The following NR2F1-AS1 variants were observed in gnomAD, a reference collection of about 807,000 sequenced individuals.
NR2F1-AS1 encodes NR2F1 regulatory antisense RNA 1, also known as NR2F1 antisense RNA 1.
chr5:93,558,136 G>C (rs1752402971), intron 2 of NR2F1-AS1, among the ~76,000 whole-genome samples: 2 of 152,052 alleles, frequency 1.3e-5, no homozygotes, highest in Admixed American at 1.3e-4. Context: ...ATCCATGAGT[G>C]TTGGAATCAA....
At chr5:93,415,746 T>A (rs1303257232) in intron 4 of NR2F1-AS1, among the ~76,000 whole-genome samples, 2 of 152,328 alleles carry the variant, frequency 1.3e-5, no homozygotes, top group East Asian at 3.9e-4. Context: ...TGTTCATGCA[T>A]ACACTGCAGA....
Position 93,461,656 on chromosome 5 carries a change from G to A in NR2F1-AS1, n.639-66114C>T, listed in dbSNP as rs1750096898. Among the ~76,000 whole-genome samples the A allele has an allele frequency of 3.3e-5, 5 of 152,056 alleles. No individual in the cohort carries two copies. In the South Asian group the frequency reaches 1.0e-3, roughly 32 times the overall value. On this transcript the variant is annotated intron_variant and non_coding_transcript_variant, in intron 4 of 5. Transcript: ENST00000660523. ...TGCTGTATTACCTTCAAAGCAAAGA[G>A]GTTCTCAAAGGAACATGGAAGCATT...
rs148759020 is a variant in NR2F1-AS1 at position 93,436,137 on chromosome 5, C to G, written n.639-40595G>C. On this transcript the variant is annotated intron_variant and non_coding_transcript_variant, in intron 4 of 5. Coordinates refer to ENST00000660523, the Ensembl canonical transcript of NR2F1-AS1. ...TTTGTCTTTTCCTACAGAACATTCT[C>G]TAAAAGAAAATCTGTTTAAATTGTA... 2.6e-3 allele frequency among the ~76,000 whole-genome samples: 402 copies of G among 152,274 alleles called. 1 individual carries two copies. The highest frequency in any genetic ancestry group is 9.4e-3 in the African/African-American group (390 of 41,542).
intron 1 of NR2F1-AS1, among the ~76,000 whole-genome samples, chr5:93,572,083 G>T (rs1371284279): frequency 6.6e-6 from 1 of 152,218 alleles, no homozygotes. Flanking sequence ...CAGCTGCCGC[G>T]CAGGTAAATC....
At chr5:93,525,452 C>A (rs998163202) in intron 4 of NR2F1-AS1, among the ~76,000 whole-genome samples, 22 of 152,096 alleles carry the variant, frequency 1.4e-4, no homozygotes, top group Admixed American at 1.3e-3. Context: ...GACGGATCAA[C>A]AAGACAGAAA....
chr5:93,490,545 T>G (rs1750814655), intron 4 of NR2F1-AS1, among the ~76,000 whole-genome samples: 2 of 149,556 alleles, frequency 1.3e-5, no homozygotes, highest in South Asian at 4.3e-4. Context: ...GTGGCAGTGG[T>G]GGTGGTGGTC....
rs76393397 is a variant in NR2F1-AS1, at chr5:93,475,631, A to C, written n.638+78130T>G. ...TCGAATCTAGAGCTTAGCTTATTAA[A>C]TATTCCTGTCATTAATTTTTGTCAT... On this transcript the variant is annotated intron_variant and non_coding_transcript_variant, in intron 4 of 5. Transcript: ENST00000660523. Among the ~76,000 whole-genome samples, 214 of 152,336 alleles carry C rather than the reference A, an allele frequency of 1.4e-3. 3 individuals carry two copies. The East Asian group carries it at 0.04, about 28-fold the overall frequency.
intron 4 of NR2F1-AS1, among the ~76,000 whole-genome samples, chr5:93,544,549 T>C (rs1001671709): frequency 1.3e-5 from 2 of 152,190 alleles, no homozygotes; most frequent in Non-Finnish European, 2.9e-5. Flanking sequence ...TAATAAATTA[T>C]ATGAAATCCT....
At chr5:93,428,608 T>C (rs1334429701) in intron 4 of NR2F1-AS1, among the ~76,000 whole-genome samples, 2 of 152,156 alleles carry the variant, frequency 1.3e-5, no homozygotes, top group Non-Finnish European at 2.9e-5. Context: ...GTGTATTCCA[T>C]AGAGTTAAAT....
At chr5:93,443,814 C>A (rs1375415007) in intron 4 of NR2F1-AS1, among the ~76,000 whole-genome samples, 1 of 152,178 alleles carries the variant, frequency 6.6e-6, no homozygotes, top group East Asian at 1.9e-4. Context: ...GGTTGGGTTA[C>A]CCACAAAGGC....
intron 4 of NR2F1-AS1, among the ~76,000 whole-genome samples, chr5:93,537,384 C>T (rs1751861194): frequency 6.6e-6 from 1 of 151,974 alleles, no homozygotes; most frequent in South Asian, 2.1e-4. Flanking sequence ...TCCTATTCTC[C>T]TACAGAATAG....
At chr5:93,415,296 G>T (rs937562258) in intron 4 of NR2F1-AS1, among the ~76,000 whole-genome samples, 2 of 151,954 alleles carry the variant, frequency 1.3e-5, no homozygotes, top group African/African-American at 2.4e-5. Flanking sequence ...TGTCTTTTTT[G>T]GGGGAGGTAG....
At chr5:93,434,207 T>A (rs142084272) in intron 4 of NR2F1-AS1, among the ~76,000 whole-genome samples, 173 of 152,298 alleles carry the variant, frequency 1.1e-3, no homozygotes, top group East Asian at 9.5e-3. Flanking sequence ...AGTGCAGTGA[T>A]CTTCAAATTA....
At chr5:93,449,383 G>T (rs1196851516) in intron 4 of NR2F1-AS1, among the ~76,000 whole-genome samples, 1 of 151,864 alleles carries the variant, frequency 6.6e-6, no homozygotes, top group African/African-American at 2.4e-5. Context: ...AACAGTAAAG[G>T]CCTGGATACA....
At chr5:93,520,180 TA>T (rs1751474601) in intron 4 of NR2F1-AS1, among the ~76,000 whole-genome samples, 1 of 152,104 alleles carries the variant, frequency 6.6e-6, no homozygotes, top group South Asian at 2.1e-4. Context: ...TCCACATGCT[TA>T]AAACTAAAGT....
At chr5:93,429,194 CTTTTACTT>C (rs932776989) in intron 4 of NR2F1-AS1, among the ~76,000 whole-genome samples, 4 of 151,932 alleles carry the variant, frequency 2.6e-5, no homozygotes, top group African/African-American at 4.8e-5. Flanking sequence ...GTATGTGGTT[CTTTTACTT>C]TATTTTTTTT....
chr5:93,547,308 A>G (rs1049277547), intron 4 of NR2F1-AS1, among the ~76,000 whole-genome samples: 3 of 152,188 alleles, frequency 2.0e-5, no homozygotes, highest in Middle Eastern at 3.2e-3. Context: ...ATGCTATTAC[A>G]TGTCGCTGTA....
At chr5:93,536,713 T>C (rs545937804) in intron 4 of NR2F1-AS1, among the ~76,000 whole-genome samples, 2 of 152,326 alleles carry the variant, frequency 1.3e-5, no homozygotes, top group African/African-American at 4.8e-5. Context: ...TAAATGATGA[T>C]GAGAAAACTG....
At chr5:93,410,103 G>A (rs1304768123) in intron 4 of NR2F1-AS1, 1 of 152,184 alleles carries the variant, frequency 6.6e-6, no homozygotes, top group Non-Finnish European at 1.5e-5. Flanking sequence ...GGAAAATCAT[G>A]ACACACTTAT....
Sources: gnomAD v4.1 joint callset for allele counts (sites outside exome capture counted in the v4.1 genomes callset) on GRCh38, gnomAD v4.1.1 for gene constraint, MANE v1.5 for transcripts, NCBI Gene and HGNC (gene_info 2026-07-23, HGNC 2026-07-21) for gene names.